Variants in SLCO2B1 observed in about 807,000 individuals in gnomAD.
SLCO2B1 encodes OATP-RP2.
A neutral mutation model predicts 67.3 loss-of-function variants in SLCO2B1; 41 were observed. That is an observed-to-expected ratio of 0.61 (90% CI 0.47 to 0.79). The LOEUF (loss-of-function observed/expected upper bound fraction) is 0.79. SLCO2B1 is among the 30% of genes least tolerant of loss of function. SLCO2B1 has a pLI of 0.00. For synonymous variants in SLCO2B1, 379 were observed against 381.4 expected, an observed-to-expected ratio of 0.99 and a Z score of 0.07; for missense variants, 837 against 920.1, an observed-to-expected ratio of 0.91 and a Z score of 1.17.
chr11:75,204,568 T>A lies in SLCO2B1; in HGVS notation c.2118T>A (p.Asp706Glu). Residue 706 changes from aspartate (D) to glutamate (E), a missense_variant, in exon 14 of 14, where the codon GAT becomes GAA. By Grantham distance (45) the Asp-to-Glu change is conservative. Transcript: ENST00000289575. ...CGGGGCCAGGGAAGAAGCCAGAGGATTCCCGAGTGTGAGCTGTCTTGGGGC... is the reference window on the plus strand; with the variant it reads ...CGGGGCCAGGGAAGAAGCCAGAGGAATCCCGAGTGTGAGCTGTCTTGGGGC... Reference protein sequence around the residue: ...LVSGPGKKPEDSRV With the variant: ...LVSGPGKKPEESRV The A allele has an allele frequency of 6.2e-7, 1 of 1,609,394 alleles. No homozygotes were observed. Among genetic ancestry groups the A allele is most frequent in the Non-Finnish European group, 8.5e-7 (1 of 1,178,250 alleles).
intron 6 of SLCO2B1, among the ~76,000 whole-genome samples, chr11:75,171,790 A>C (rs1949963391): frequency 6.6e-6 from 1 of 152,132 alleles, no homozygotes; most frequent in East Asian, 1.9e-4. Flanking sequence ...GGTCATTCTA[A>C]GTGGGTCTTC....
At chr11:75,180,399 A>C (rs1344365064) in intron 7 of SLCO2B1, among the ~76,000 whole-genome samples, 1 of 152,134 alleles carries the variant, frequency 6.6e-6, no homozygotes, top group Non-Finnish European at 1.5e-5. Flanking sequence ...TTCTATTTTT[A>C]ACTTTTGGGG....
Position 75,165,832 on chromosome 11 carries a change from C to T in SLCO2B1, c.331C>T (p.Arg111Trp), listed in dbSNP as rs1040627675. The T allele has an allele frequency of 6.2e-6, 10 of 1,614,070 alleles. No individual in the cohort carries two copies. Among genetic ancestry groups the T allele is most frequent in the Admixed American group, 3.3e-5 (2 of 60,002 alleles). Residue 111 changes from arginine (R) to tryptophan (W), a missense_variant, in exon 4 of 14, where the codon CGG becomes TGG. By Grantham distance (101) the Arg-to-Trp change is moderately radical. Coordinates refer to ENST00000289575, the MANE Select transcript of SLCO2B1 (RefSeq NM_007256.5). ...TGTGTTTGTGAGCTATTTTGGCAGC[C>T]GGGTGCACCGACCCCGAATGATTGG... ...LIVFVSYFGSRVHRPRMIGYG... is the reference protein window; with the variant it reads ...LIVFVSYFGSWVHRPRMIGYG...
In SLCO2B1 at chr11:75,188,231, C is replaced by A. The variant is rs377133671; in HGVS notation, c.1068C>A (p.Phe356Leu). The change falls in exon 8 of 14, where the codon TTC becomes TTA. Residue 356 changes from phenylalanine to leucine, a missense_variant. Phe to Leu is a conservative substitution (Grantham distance 22). Coordinates refer to ENST00000289575, the MANE Select transcript of SLCO2B1 (RefSeq NM_007256.5). ...QIAPNLTVIQ[F>L]IKVFPRVLLQ... ...CACCAAACCTGACTGTGATCCAGTT[C>A]ATTAAAGGTAAGTCAGCTCAGACCA... 1.3e-5 allele frequency: 21 copies of A among 1,611,980 alleles called. No individual in the cohort carries two copies. The highest frequency in any genetic ancestry group is 1.6e-5 in the Non-Finnish European group (19 of 1,178,206).
At chr11:75,203,211 C>T in intron 12 of SLCO2B1, 96 bp from the exon 13 acceptor site, 1 of 1,512,582 alleles carries the variant, frequency 6.6e-7, no homozygotes, top group Admixed American at 2.0e-5. Flanking sequence ...CCAAGAGGCC[C>T]CAGTAACCCA....
chr11:75,156,470 C>T (rs950560546), intron 1 of SLCO2B1, among the ~76,000 whole-genome samples: 2 of 152,078 alleles, frequency 1.3e-5, no homozygotes, highest in Non-Finnish European at 2.9e-5. Flanking sequence ...TAGGAAGGGC[C>T]CAAGGCAGGG....
At chr11:75,195,528 C>T (rs983266733) in intron 9 of SLCO2B1, among the ~76,000 whole-genome samples, 5 of 151,926 alleles carry the variant, frequency 3.3e-5, no homozygotes, top group African/African-American at 9.7e-5. Flanking sequence ...TGCCCCATGC[C>T]CCACTTCCCC....
Position 75,204,576 on chromosome 11 carries a change from T to A in SLCO2B1, c.2126T>A (p.Val709Glu), listed in dbSNP as rs1591842075. The A allele has an allele frequency of 1.2e-6, 2 of 1,607,588 alleles. No individual in the cohort carries two copies. The highest frequency in any genetic ancestry group is 1.7e-6 in the Non-Finnish European group (2 of 1,177,476). The part of the protein sequence containing the change: ...GPGKKPEDSR[V>E] The stretch of plus-strand genomic sequence containing the variant: ...GGGAAGAAGCCAGAGGATTCCCGAG[T>A]GTGAGCTGTCTTGGGGCCCCACCTG... Residue 709 changes from valine (V) to glutamate (E), a missense_variant, in exon 14 of 14, where the codon GTG becomes GAG. Coordinates refer to ENST00000289575, the MANE Select transcript of SLCO2B1 (RefSeq NM_007256.5).
At chr11:75,187,813 A>G (rs1289687095) in intron 7 of SLCO2B1, among the ~76,000 whole-genome samples, 2 of 152,180 alleles carry the variant, frequency 1.3e-5, no homozygotes, top group Admixed American at 6.5e-5. Flanking sequence ...AGGAATAGAA[A>G]TGATGATGAT....
chr11:75,200,343 C>T lies in SLCO2B1; in HGVS notation c.1719C>T (p.Ala573=). Residue 573 remains alanine (A), a synonymous_variant, in exon 11 of 14, where the codon GCC becomes GCT. Coordinates refer to ENST00000289575, the MANE Select transcript of SLCO2B1 (RefSeq NM_007256.5). ...PFLLLVSLGS[A]LACLTHTPSF... The stretch of plus-strand genomic sequence containing the variant: ...TGCTCCTGGTCAGCCTGGGCTCGGC[C>T]CTGGCCTGTCTCACCCACACACCCT... The T allele has an allele frequency of 6.2e-7, 1 of 1,612,794 alleles. No individual in the cohort carries two copies. The highest frequency in any genetic ancestry group is 8.5e-7 in the Non-Finnish European group (1 of 1,179,548).
At position 75,175,948 on chromosome 11, in the gene SLCO2B1, G is replaced by C. The variant is rs374975759; in HGVS notation, c.972+3379G>C. Among the ~76,000 whole-genome samples, 3 of 152,214 alleles carry C rather than the reference G, an allele frequency of 2.0e-5. No individual in the cohort carries two copies. The East Asian group carries it at 5.8e-4, about 29-fold the overall frequency. Reference sequence around the variant, plus strand: ...GGGGAGGCCATGCAGGGAATGGGAGGGGACAGGAGCCCTACTTTCTTGCCT... The same window carrying C: ...GGGGAGGCCATGCAGGGAATGGGAGCGGACAGGAGCCCTACTTTCTTGCCT... On this transcript the variant is annotated intron_variant, in intron 7 of 13. Transcript: ENST00000289575.
intron 7 of SLCO2B1, among the ~76,000 whole-genome samples, chr11:75,185,729 T>C (rs995126418): frequency 1.3e-5 from 2 of 152,014 alleles, no homozygotes; most frequent in Non-Finnish European, 2.9e-5. Context: ...GGCTACTCCA[T>C]AGGCAGAGCA....
At chr11:75,189,229 G>A (rs755842134) in intron 8 of SLCO2B1, among the ~76,000 whole-genome samples, 3 of 151,502 alleles carry the variant, frequency 2.0e-5, no homozygotes, top group Non-Finnish European at 4.4e-5. Context: ...AGTGCCTGCC[G>A]TGTGCCCAGC....
Position 75,204,432 on chromosome 11 carries a change from G to A in SLCO2B1, c.1982G>A (p.Gly661Asp), listed in dbSNP as rs199644096. The A allele has an allele frequency of 6.2e-7, 1 of 1,611,076 alleles. No homozygotes were observed. The highest frequency in any genetic ancestry group is 2.2e-5 in the East Asian group (1 of 44,778). Residue 661 changes from glycine to aspartate, a missense_variant, in exon 14 of 14, where the codon GGT (glycine) becomes GAT (aspartate). Coordinates refer to ENST00000289575, the MANE Select transcript of SLCO2B1 (RefSeq NM_007256.5). Reference protein sequence around the residue: ...FIGLQFFFKTGSVICFALVLA... With the variant: ...FIGLQFFFKTDSVICFALVLA... Reference sequence around the variant, plus strand: ...GGCCTCCAGTTCTTCTTCAAAACAGGTTCTGTGATCTGCTTCGCCTTAGTT... The same window carrying A: ...GGCCTCCAGTTCTTCTTCAAAACAGATTCTGTGATCTGCTTCGCCTTAGTT...
At chr11:75,171,995 G>A (rs753890320) in intron 6 of SLCO2B1, among the ~76,000 whole-genome samples, 8 of 152,238 alleles carry the variant, frequency 5.3e-5, no homozygotes, top group South Asian at 2.1e-4. Context: ...CATCTATTTC[G>A]TTAATTTTCA....
chr11:75,175,294 T>C (rs1191632973), intron 7 of SLCO2B1, among the ~76,000 whole-genome samples: 1 of 152,142 alleles, frequency 6.6e-6, no homozygotes, highest in Non-Finnish European at 1.5e-5. Flanking sequence ...AGTAACGTGG[T>C]TGGCCTGGCC....
intron 7 of SLCO2B1, among the ~76,000 whole-genome samples, chr11:75,173,474 C>A (rs1335242383): frequency 2.6e-5 from 4 of 152,244 alleles, no homozygotes; most frequent in Non-Finnish European, 5.9e-5. Flanking sequence ...GTGGCCTCCA[C>A]CCTTCCAGCG....
Position 75,188,141 on chromosome 11 carries a change from G to C in SLCO2B1, c.978G>C (p.Lys326Asn). ...TGGTTTTGTGTCTCCTTCAGGGCAA[G>C]GACTCTCCCTCTAAGCAGAGCCCTG... is the stretch of plus-strand genomic sequence containing the variant. ...AVTDSPARKG[K>N]DSPSKQSPGE... Residue 326 changes from lysine (K) to asparagine (N), a missense_variant, in exon 8 of 14, where the codon AAG becomes AAC. Coordinates refer to ENST00000289575, the MANE Select transcript of SLCO2B1 (RefSeq NM_007256.5). The C allele has an allele frequency of 6.2e-7, 1 of 1,612,752 alleles. No homozygotes were observed. The highest frequency in any genetic ancestry group is 8.5e-7 in the Non-Finnish European group (1 of 1,179,236).
At chr11:75,180,044 G>A (rs1428905452) in intron 7 of SLCO2B1, among the ~76,000 whole-genome samples, 6 of 151,816 alleles carry the variant, frequency 4.0e-5, no homozygotes, top group Admixed American at 3.9e-4. Context: ...TTGAAATGGA[G>A]TCTCTCTCTG....
Sources: gnomAD v4.1 joint callset for allele counts (sites outside exome capture counted in the v4.1 genomes callset) on GRCh38, gnomAD v4.1.1 for gene constraint, MANE v1.5 for transcripts, NCBI Gene and HGNC (gene_info 2026-07-23, HGNC 2026-07-21) for gene names.